VAT1L: variants seen among roughly 807,000 people sequenced by gnomAD.
VAT1L encodes the protein vesicle amine transport 1 like, also known as putative NADPH-dependent quinone oxidoreductase VAT1L.
Under a neutral mutation model 44.1 loss-of-function variants are expected in VAT1L, and 34 were observed. The observed-to-expected ratio is 0.77, with a 90% CI of 0.59 to 1.03. The LOEUF (loss-of-function observed/expected upper bound fraction) is 1.03. Ranked by LOEUF, VAT1L falls within the 50% of genes least tolerant of loss-of-function variation. The pLI, the probability that VAT1L is intolerant of heterozygous loss-of-function variation, is 0.00. For missense variants in VAT1L, 615 were observed against 538.8 expected (o/e 1.14, Z -1.40); for synonymous variants, 253 against 202.2 (o/e 1.25, Z -2.13).
chr16:77,950,291 C>A (rs1372051615), intron 7 of VAT1L, among the ~76,000 whole-genome samples: 1 of 152,024 alleles, frequency 6.6e-6, no homozygotes, highest in East Asian at 1.9e-4. Context: ...TGCCTGTAAT[C>A]CCAGCTACTC....
chr16:77,872,795 C>T (rs543946305), intron 4 of VAT1L, among the ~76,000 whole-genome samples: 3 of 152,312 alleles, frequency 2.0e-5, no homozygotes, highest in Admixed American at 2.0e-4. Context: ...CCATGAGCTC[C>T]TGGATGGTGA....
intron 7 of VAT1L, among the ~76,000 whole-genome samples, chr16:77,937,761 C>A (rs1391807253): frequency 1.3e-5 from 2 of 152,160 alleles, no homozygotes; most frequent in Non-Finnish European, 2.9e-5. Context: ...GGGAGAAGGA[C>A]CTCCTTGAAA....
At chr16:77,973,175 C>T (rs1357744617) in intron 8 of VAT1L, among the ~76,000 whole-genome samples, 1 of 152,202 alleles carries the variant, frequency 6.6e-6, no homozygotes, top group Non-Finnish European at 1.5e-5. Context: ...TGTTTATGAC[C>T]TGGGCAAGTT....
At chr16:77,799,895 G>A (rs2016016120) in intron 1 of VAT1L, 1 of 152,162 alleles carries the variant, frequency 6.6e-6, no homozygotes, top group Non-Finnish European at 1.5e-5. Context: ...ATGATGCCAA[G>A]CATGGTGCTT....
At chr16:77,808,016 T>G (rs2016194481) in intron 1 of VAT1L, among the ~76,000 whole-genome samples, 1 of 151,978 alleles carries the variant, frequency 6.6e-6, no homozygotes, top group African/African-American at 2.4e-5. Flanking sequence ...TTGCCTATAC[T>G]CCAGAACAGG....
chr16:77,955,938 C>T lies in VAT1L; in HGVS notation c.1078-15912C>T, dbSNP rs549819208. Among the ~76,000 whole-genome samples the T allele has an allele frequency of 2.6e-5, 4 of 152,248 alleles. No individual in the cohort carries two copies. In the South Asian group the frequency reaches 8.3e-4, roughly 32 times the overall value. On this transcript the variant is annotated intron_variant, in intron 7 of 8. Transcript: ENST00000302536. ...GCATCAAGCCTGTGGTTGTATGAAG[C>T]GGGGTCTAAAGCCTAGTTTCTCTGT... is the stretch of plus-strand genomic sequence containing the variant.
At chr16:77,929,339 G>A (rs2017703283) in intron 7 of VAT1L, among the ~76,000 whole-genome samples, 1 of 152,180 alleles carries the variant, frequency 6.6e-6, no homozygotes, top group African/African-American at 2.4e-5. Context: ...AACACTGGTA[G>A]AAAGAGGAGT....
At chr16:77,863,794 G>A (rs539179705) in intron 4 of VAT1L, among the ~76,000 whole-genome samples, 10 of 152,248 alleles carry the variant, frequency 6.6e-5, no homozygotes, top group African/African-American at 2.4e-4. Flanking sequence ...GGCATGAGGT[G>A]AGGCTGAGCA....
chr16:77,910,076 G>A (rs992696481), intron 7 of VAT1L, among the ~76,000 whole-genome samples: 1 of 152,202 alleles, frequency 6.6e-6, no homozygotes, highest in Non-Finnish European at 1.5e-5. Context: ...AATTCAATTA[G>A]AGTTGGAATA....
intron 7 of VAT1L, among the ~76,000 whole-genome samples, chr16:77,958,357 T>C (rs1246114061): frequency 6.6e-6 from 1 of 152,174 alleles, no homozygotes; most frequent in Non-Finnish European, 1.5e-5. Context: ...CAAGCATCTC[T>C]CTTACACACT....
rs1555520818 is a variant in VAT1L at position 77,936,898 on chromosome 16, G to GTTTA, written c.1078-34949_1078-34948insATTT. On this transcript the variant is annotated intron_variant, in intron 7 of 8. Coordinates refer to ENST00000302536, the MANE Select transcript of VAT1L (RefSeq NM_020927.3). Reference sequence around the variant, plus strand: ...TGTTTGTTTGTTTGTTTGTTTGTTTGTTTTTGAGACGGAGTCTCGCTCTGC... The same window carrying GTTTA: ...TGTTTGTTTGTTTGTTTGTTTGTTTGTTTATTTTTGAGACGGAGTCTCGCTCTGC... 2.1e-5 allele frequency among the ~76,000 whole-genome samples: 3 copies of GTTTA among 143,532 alleles called. No individual in the cohort carries two copies. In the South Asian group the frequency reaches 6.8e-4, roughly 32 times the overall value. The allele number at this position is 143,532 out of a possible 152,430, so 94.2% of individuals were successfully genotyped here. A position where few individuals can be genotyped will look rare whatever the true frequency, so the allele number is the denominator to read the frequency against.
At chr16:77,937,921 G>A (rs1318429633) in intron 7 of VAT1L, among the ~76,000 whole-genome samples, 1 of 152,234 alleles carries the variant, frequency 6.6e-6, no homozygotes, top group Non-Finnish European at 1.5e-5. Context: ...TAGAATCACA[G>A]TGCTCTGAAA....
At chr16:77,959,867 T>TC (rs779260639) in intron 7 of VAT1L, among the ~76,000 whole-genome samples, 141 of 152,256 alleles carry the variant, frequency 9.3e-4, no homozygotes, top group Non-Finnish European at 1.6e-3. Context: ...GTAACCAAAG[T>TC]CCCCAACTAC....
intron 6 of VAT1L, among the ~76,000 whole-genome samples, chr16:77,882,780 G>A (rs981376553): frequency 6.6e-6 from 1 of 152,168 alleles, no homozygotes; most frequent in African/African-American, 2.4e-5. Flanking sequence ...TCCCAAGTTG[G>A]TTTGTTTTAA....
chr16:77,866,814 C>A (rs2016979286), intron 4 of VAT1L, among the ~76,000 whole-genome samples: 2 of 152,158 alleles, frequency 1.3e-5, no homozygotes, highest in Admixed American at 6.5e-5. Flanking sequence ...ATGAGTGAAA[C>A]CAAGCCAAAG....
chr16:77,862,811 A>G lies in VAT1L; in HGVS notation c.643A>G (p.Thr215Ala), dbSNP rs748457586. ...CGTGACTGTCTTTGGAACAGCCTCT[A>G]CTTTCAAGCATGAAGCAATCAAAGA... Reference protein sequence around the residue: ...PNVTVFGTASTFKHEAIKDSV... With the variant: ...PNVTVFGTASAFKHEAIKDSV... The change falls in exon 4 of 9, where the codon ACT becomes GCT. Residue 215 changes from threonine to alanine, a missense_variant. Thr to Ala is a moderately conservative substitution (Grantham distance 58). Transcript: ENST00000302536. The G allele has an allele frequency of 1.1e-5, 17 of 1,613,978 alleles. No homozygotes were observed. Among genetic ancestry groups the G allele is most frequent in the Admixed American group, 1.7e-5 (1 of 60,010 alleles).
chr16:77,869,997 A>T (rs750297986), intron 4 of VAT1L, among the ~76,000 whole-genome samples: 23 of 152,186 alleles, frequency 1.5e-4, no homozygotes, highest in Non-Finnish European at 2.5e-4. Flanking sequence ...AATTAATAAG[A>T]GTCTAATCAC....
At chr16:77,921,788 G>C (rs1284497580) in intron 7 of VAT1L, among the ~76,000 whole-genome samples, 2 of 152,074 alleles carry the variant, frequency 1.3e-5, no homozygotes, top group African/African-American at 4.8e-5. Context: ...CTGTTGGCCG[G>C]GCTGGAGTGC....
chr16:77,892,569 G>C, intron 7 of VAT1L: 3 of 615,158 alleles, frequency 4.9e-6, no homozygotes, highest in South Asian at 4.1e-5. Context: ...GGTTATAAGG[G>C]TTCATGCTTT....
Sources: allele counts gnomAD v4.1 joint callset (sites outside exome capture counted in the v4.1 genomes callset), GRCh38; gene constraint gnomAD v4.1.1; transcripts MANE v1.5; gene names NCBI Gene and HGNC (gene_info 2026-07-23, HGNC 2026-07-21).